The following ATP7A variants were observed in gnomAD, a reference collection of about 807,000 sequenced individuals.
The protein encoded by ATP7A is ATPase copper transporting alpha.
Under a neutral mutation model 83.5 loss-of-function variants are expected in ATP7A, and 7 were observed. The ratio of observed to expected loss-of-function variants is 0.08; its 90% CI spans 0.05 to 0.16. The LOEUF (loss-of-function observed/expected upper bound fraction) is 0.16. Ranked by LOEUF, ATP7A falls within the 10% of genes least tolerant of loss-of-function variation. The pLI is 1.00. For missense variants in ATP7A, 940 were observed against 1,120.8 expected, an observed-to-expected ratio of 0.84 and a Z score of 2.30; for synonymous variants, 354 against 395.2, an observed-to-expected ratio of 0.90 and a Z score of 1.24.
At chrX:77,940,776 C>G (rs1351581208) in intron 1 of ATP7A, among the ~76,000 whole-genome samples, 1 of 111,874 alleles carries the variant, frequency 8.9e-6, no homozygotes, top group Non-Finnish European at 1.9e-5. Flanking sequence ...AGGCAGTTCA[C>G]AAATGAAGAA....
At position 78,043,310 on chromosome X, in the gene ATP7A, T is replaced by C. The variant is rs1406270253; in HGVS notation, c.4006-7T>C. ...CTTACTAATATCACAAATATTTCTG[T>C]TCTTAGAATGATCTTCTGGATGTAG... On this transcript the variant is annotated splice_polypyrimidine_tract_variant and splice_region_variant and intron_variant, in intron 20 of 22. Transcript: ENST00000341514. 3.5e-6 allele frequency: 4 copies of C among 1,154,621 alleles called. No homozygotes were observed. In the African/African-American group the frequency reaches 7.1e-5, roughly 21 times the overall value.
At chrX:77,936,233 T>C (rs1221409873) in intron 1 of ATP7A, among the ~76,000 whole-genome samples, 3 of 111,979 alleles carry the variant, frequency 2.7e-5, no homozygotes, top group Admixed American at 1.9e-4. Context: ...ATCTCTTCTC[T>C]TGGAAATGGA....
chrX:78,031,233 C>CTTCTTTTA lies in ATP7A; in HGVS notation c.3112-164_3112-157dup, dbSNP rs1280354785. 7.1e-5 allele frequency among the ~76,000 whole-genome samples: 8 copies of CTTCTTTTA among 111,897 alleles called. No individual in the cohort carries two copies. The Admixed American group carries it at 7.6e-4, about 11-fold the overall frequency. On this transcript the variant is annotated intron_variant, in intron 15 of 22. Coordinates refer to ENST00000341514, the MANE Select transcript of ATP7A (RefSeq NM_000052.7). ...CTGTTGTGTATAACTAAGAGTATTT[C>CTTCTTTTA]TTCTTTTATTTTCCCGAAGACCATC...
chrX:78,009,309 A>T (rs2077800741), intron 7 of ATP7A, 46 bp downstream of exon 7: 2 of 1,157,618 alleles, frequency 1.7e-6, no homozygotes, highest in South Asian at 1.8e-5. Flanking sequence ...CTATTTAATC[A>T]GCACTCCCGT....
At chrX:78,045,593 A>G in intron 22 of ATP7A, 21 bp downstream of exon 22, 1 of 1,149,284 alleles carries the variant, frequency 8.7e-7, no homozygotes, top group Non-Finnish European at 1.2e-6. Context: ...TAGCTTGCTC[A>G]CATTTGTATT....
chrX:78,031,097 C>T (rs2077981102), intron 15 of ATP7A, among the ~76,000 whole-genome samples: 1 of 111,655 alleles, frequency 9.0e-6, no homozygotes, highest in South Asian at 3.7e-4. Context: ...GCACTAGAGG[C>T]GTCTCTTAAT....
intron 1 of ATP7A, among the ~76,000 whole-genome samples, chrX:77,953,224 T>C (rs2077423105): frequency 8.9e-6 from 1 of 112,450 alleles, no homozygotes; most frequent in Admixed American, 9.5e-5. Flanking sequence ...GCAATAACAT[T>C]ACAGGCAGTT....
At chrX:78,037,047 T>C (rs1435567032) in intron 17 of ATP7A, among the ~76,000 whole-genome samples, 1 of 111,828 alleles carries the variant, frequency 8.9e-6, no homozygotes, top group East Asian at 2.8e-4. Context: ...GATGGAGTTA[T>C]CATTTAAATA....
chrX:77,970,138 C>T (rs991028988), intron 1 of ATP7A, among the ~76,000 whole-genome samples: 2 of 110,598 alleles, frequency 1.8e-5, no homozygotes, highest in South Asian at 3.8e-4. Flanking sequence ...TGGCTATTGG[C>T]GGGAGGCCTT....
intron 6 of ATP7A, among the ~76,000 whole-genome samples, chrX:78,005,162 A>C (rs1448539655): frequency 4.5e-5 from 5 of 111,527 alleles, no homozygotes; most frequent in African/African-American, 1.3e-4. Context: ...ATATTATGAA[A>C]CTTTCGGACA....
chrX:77,927,170 G>A (rs2077246367), intron 1 of ATP7A, among the ~76,000 whole-genome samples: 1 of 111,927 alleles, frequency 8.9e-6, no homozygotes. Context: ...CTAACTAAAT[G>A]AAGAAAGTAG....
chrX:78,040,487 A>G (rs2078040508), intron 18 of ATP7A, 104 bp from the exon 19 acceptor site: 4 of 1,050,380 alleles, frequency 3.8e-6, no homozygotes, highest in Admixed American at 4.6e-5. Context: ...GCCCTGAACA[A>G]CTTTACTTGA....
intron 1 of ATP7A, among the ~76,000 whole-genome samples, chrX:77,926,348 A>G (rs1279101384): frequency 9.0e-6 from 1 of 111,717 alleles, no homozygotes; most frequent in Non-Finnish European, 1.9e-5. Context: ...TTATTTATTT[A>G]TTTATTTGAG....
intron 5 of ATP7A, among the ~76,000 whole-genome samples, chrX:78,000,126 C>T (rs1465384257): frequency 9.1e-6 from 1 of 110,417 alleles, no homozygotes; most frequent in African/African-American, 3.3e-5. Context: ...AAGGGCAGAA[C>T]ATTATTATAA....
Position 78,029,260 on chromosome X carries a change from G to T in ATP7A, c.2927G>T (p.Arg976Ile). ...IVETYFPGYNRSISRTETIIR... is the reference protein window; with the variant it reads ...IVETYFPGYNISISRTETIIR... ...GCCTTTCTTCTAAAGGGCTACAATA[G>T]AAGTATCTCCCGAACAGAAACGATA... The change falls in exon 15 of 23, where the codon AGA becomes ATA. Residue 976 changes from arginine (R) to isoleucine (I), a missense_variant. By Grantham distance (97) the Arg-to-Ile change is moderately conservative. Transcript: ENST00000341514. The T allele has an allele frequency of 8.3e-7, 1 of 1,210,816 alleles. No individual in the cohort carries two copies. The highest frequency in any genetic ancestry group is 1.1e-6 in the Non-Finnish European group (1 of 894,741).
chrX:77,970,139 G>A (rs1557229467), intron 1 of ATP7A, among the ~76,000 whole-genome samples: 3 of 110,581 alleles, frequency 2.7e-5, no homozygotes, highest in African/African-American at 9.9e-5. Context: ...GGCTATTGGC[G>A]GGAGGCCTTA....
chrX:77,978,091 T>TA (rs1156420063), intron 2 of ATP7A, among the ~76,000 whole-genome samples: 4 of 110,296 alleles, frequency 3.6e-5, no homozygotes, highest in Non-Finnish European at 7.6e-5. Context: ...TTTGAAAAAT[T>TA]AAAAAAAAAT....
chrX:77,929,676 C>T (rs782289925), intron 1 of ATP7A, among the ~76,000 whole-genome samples: 6 of 105,616 alleles, frequency 5.7e-5, no homozygotes, highest in African/African-American at 1.7e-4. Context: ...TTATGTTGCC[C>T]AGGCTGGTCT....
intron 2 of ATP7A, among the ~76,000 whole-genome samples, chrX:77,985,709 T>C (rs1557231319): frequency 9.0e-6 from 1 of 111,335 alleles, no homozygotes; most frequent in African/African-American, 3.3e-5. Context: ...TATAGTTCTA[T>C]GAAATTTTTT....
Sources: gnomAD v4.1 joint callset for allele counts (sites outside exome capture counted in the v4.1 genomes callset) on GRCh38, gnomAD v4.1.1 for gene constraint, MANE v1.5 for transcripts, NCBI Gene and HGNC (gene_info 2026-07-23, HGNC 2026-07-21) for gene names.